DRC11: variants seen among roughly 807,000 people sequenced by gnomAD.
DRC11 encodes IQ and AAA domain-containing protein 1.
the DRC11 span, among the ~76,000 whole-genome samples, chr2:236,414,592 C>T: frequency 6.6e-6 from 1 of 152,098 alleles, no homozygotes; most frequent in Admixed American, 6.6e-5. Flanking sequence ...TCCCAAAGTG[C>T]TGGGATTACA....
chr2:236,403,971 C>T, the DRC11 span, among the ~76,000 whole-genome samples: 2 of 152,130 alleles, frequency 1.3e-5, no homozygotes, highest in Non-Finnish European at 2.9e-5. Context: ...ACACGTTTCC[C>T]CGAATAGAAA....
chr2:236,458,080 A>G, the DRC11 span, among the ~76,000 whole-genome samples: 1 of 152,110 alleles, frequency 6.6e-6, no homozygotes. Flanking sequence ...AACCACCAAA[A>G]TGGTTCTAAT....
the DRC11 span, among the ~76,000 whole-genome samples, chr2:236,367,309 T>A: frequency 1.4e-5 from 2 of 147,872 alleles, no homozygotes; most frequent in Non-Finnish European, 3.0e-5. The surrounding 1 kb of genome is among the most constrained non-coding windows in gnomAD (Gnocchi z 4.8). Context: ...ACATATATAT[T>A]ATATATATAT....
chr2:236,470,396 C>T, the DRC11 span, among the ~76,000 whole-genome samples: 990 of 152,236 alleles, frequency 6.5e-3, 7 homozygotes, highest in Admixed American at 0.019. The surrounding 1 kb of genome is among the most constrained non-coding windows in gnomAD (Gnocchi z 5.1). Context: ...TTCTCGCCAT[C>T]GTCAATGCAG....
At chr2:236,313,852 TATG>T in the DRC11 span, among the ~76,000 whole-genome samples, 13,028 of 152,198 alleles carry the variant, frequency 0.086, 1,285 homozygotes, top group East Asian at 0.24. This position sits in a 1 kb window ranked among gnomAD's most constrained non-coding sequence, Gnocchi z 4.5. Context: ...ACATTTTTAA[TATG>T]ATGCAATTTT....
chr2:236,462,347 G>A, the DRC11 span, among the ~76,000 whole-genome samples: 28,784 of 152,040 alleles, frequency 0.19, 3,004 homozygotes, highest in Middle Eastern at 0.27. This position sits in a 1 kb window ranked among gnomAD's most constrained non-coding sequence, Gnocchi z 6.4. Context: ...CAGGTGGGCC[G>A]TACCAGTGCA....
At chr2:236,361,038 G>GA in the DRC11 span, among the ~76,000 whole-genome samples, 84 of 152,206 alleles carry the variant, frequency 5.5e-4, 1 homozygote, top group East Asian at 0.014. The surrounding 1 kb of genome is among the most constrained non-coding windows in gnomAD (Gnocchi z 5.7). Context: ...ATGGTCAAGG[G>GA]AAAAGCAGTC....
At chr2:236,362,957 C>T in the DRC11 span, among the ~76,000 whole-genome samples, 2 of 152,118 alleles carry the variant, frequency 1.3e-5, no homozygotes, top group African/African-American at 2.4e-5. The surrounding 1 kb of genome is among the most constrained non-coding windows in gnomAD (Gnocchi z 5.7). Context: ...CATTCCTGTC[C>T]GTTTATCATT....
At chr2:236,416,722 T>TAC in the DRC11 span, among the ~76,000 whole-genome samples, 1 of 14,382 alleles carries the variant, frequency 7.0e-5, no homozygotes, top group Non-Finnish European at 1.5e-4. Flanking sequence ...TATATATATT[T>TAC]ATATATATAT....
the DRC11 span, among the ~76,000 whole-genome samples, chr2:236,373,785 C>T: frequency 3.7e-3 from 562 of 152,298 alleles, 5 homozygotes; most frequent in African/African-American, 0.013. Context: ...CCTCCTCTGT[C>T]GTCTTTATAG....
At chr2:236,333,234 C>T in the DRC11 span, 1 of 151,998 alleles carries the variant, frequency 6.6e-6, no homozygotes, top group Non-Finnish European at 1.5e-5. The surrounding 1 kb of genome is among the most constrained non-coding windows in gnomAD (Gnocchi z 6.0). Context: ...TTTCCTAACC[C>T]TCATTAAAAC....
the DRC11 span, among the ~76,000 whole-genome samples, chr2:236,425,970 C>G: frequency 6.6e-6 from 1 of 152,106 alleles, no homozygotes; most frequent in East Asian, 1.9e-4. Context: ...TCTGGGCTCT[C>G]TCTTCTGTTC....
the DRC11 span, among the ~76,000 whole-genome samples, chr2:236,483,505 A>C: frequency 6.6e-6 from 1 of 152,238 alleles, no homozygotes; most frequent in Non-Finnish European, 1.5e-5. This position sits in a 1 kb window ranked among gnomAD's most constrained non-coding sequence, Gnocchi z 4.8. Flanking sequence ...TTTTTAAGGC[A>C]GTAAGCTTGG....
chr2:236,359,379 C>G, the DRC11 span, among the ~76,000 whole-genome samples: 2 of 152,156 alleles, frequency 1.3e-5, no homozygotes, highest in Non-Finnish European at 2.9e-5. The surrounding 1 kb of genome is among the most constrained non-coding windows in gnomAD (Gnocchi z 4.3). Flanking sequence ...TTTGAATTTA[C>G]AGTTGTGAAA....
the DRC11 span, among the ~76,000 whole-genome samples, chr2:236,309,184 C>G: frequency 6.6e-6 from 1 of 152,188 alleles, no homozygotes; most frequent in East Asian, 1.9e-4. This position sits in a 1 kb window ranked among gnomAD's most constrained non-coding sequence, Gnocchi z 5.7. Flanking sequence ...CGCGGCGGCT[C>G]CCTGCTCCAG....
chr2:236,493,010 A>G, the DRC11 span, among the ~76,000 whole-genome samples: 89 of 152,350 alleles, frequency 5.8e-4, no homozygotes, highest in South Asian at 2.9e-3. Flanking sequence ...CCGTTTTCAC[A>G]CTGCTGATAA....
chr2:236,478,503 T>G, the DRC11 span, among the ~76,000 whole-genome samples: 4 of 152,230 alleles, frequency 2.6e-5, no homozygotes, highest in African/African-American at 9.6e-5. The surrounding 1 kb of genome is among the most constrained non-coding windows in gnomAD (Gnocchi z 5.9). Context: ...AAAATGTGTA[T>G]TCTGCAGCAG....
chr2:236,361,132 A>G, the DRC11 span, among the ~76,000 whole-genome samples: 2 of 152,344 alleles, frequency 1.3e-5, no homozygotes, highest in East Asian at 3.9e-4. The surrounding 1 kb of genome is among the most constrained non-coding windows in gnomAD (Gnocchi z 5.7). Context: ...GACTTGAAGG[A>G]AAAAGATGGT....
the DRC11 span, chr2:236,367,815 A>C: frequency 5.0e-3 from 1,367 of 271,166 alleles, 17 homozygotes; most frequent in African/African-American, 0.029. The surrounding 1 kb of genome is among the most constrained non-coding windows in gnomAD (Gnocchi z 4.8). Flanking sequence ...TGACTCCTGA[A>C]AGGCTGCCTC....
Sources: allele counts gnomAD v4.1 joint callset (sites outside exome capture counted in the v4.1 genomes callset), GRCh38; gene constraint gnomAD v4.1.1; non-coding constraint Gnocchi (gnomAD v3.1); transcripts MANE v1.5; gene names NCBI Gene and HGNC (gene_info 2026-07-23, HGNC 2026-07-21).